Variants in TMEM151A observed in about 807,000 individuals in gnomAD.
TMEM151A encodes the protein transmembrane protein 151A.
In TMEM151A, 21 loss-of-function variants were observed where a neutral mutation model predicts 33.7. The observed-to-expected ratio is 0.62, with a 90% CI of 0.44 to 0.90. The LOEUF (loss-of-function observed/expected upper bound fraction) is 0.90, where lower values mean the gene tolerates loss of function less well. TMEM151A is among the 40% of genes least tolerant of loss of function. The pLI is 0.00. For missense variants in TMEM151A, 704 were observed against 697.7 expected (o/e 1.01, Z -0.10); for synonymous variants, 374 against 330.3 (o/e 1.13, Z -1.43).
In TMEM151A at chr11:66,295,769, A is replaced by G; in HGVS notation, c.*116A>G. ...AACAGACCAGCCACACACAAGGGGC[A>G]GGGGTGAGGGTGGGGGTGGGGGTCC... is the stretch of plus-strand genomic sequence containing the variant. On this transcript the variant is annotated 3_prime_UTR_variant, in exon 2 of 2. Transcript: ENST00000327259. The G allele has an allele frequency of 2.0e-6, 1 of 490,880 alleles. No homozygotes were observed. Among genetic ancestry groups the G allele is most frequent in the African/African-American group, 2.1e-5 (1 of 47,266 alleles). The allele number at this position is 490,880 out of a possible 1,614,324, so 30.4% of individuals were successfully genotyped here. A position where few individuals can be genotyped will look rare whatever the true frequency, so the allele number is the denominator to read the frequency against.
chr11:66,293,996 C>T (rs535552202), intron 1 of TMEM151A, among the ~76,000 whole-genome samples: 1 of 152,336 alleles, frequency 6.6e-6, no homozygotes, highest in African/African-American at 2.4e-5. Flanking sequence ...AGAGCCAGGA[C>T]CAGAACCCAC....
In TMEM151A at chr11:66,294,497, G is replaced by T. The variant is rs778083460; in HGVS notation, c.251G>T (p.Gly84Val). The change falls in exon 2 of 2, where the codon GGC (glycine) becomes GTC (valine). Residue 84 changes from glycine to valine, a missense_variant. By Grantham distance (109) the Gly-to-Val change is moderately radical. This residue lies in a region of TMEM151A where 301 missense variants were observed against 323.4 expected (regional missense o/e 0.93). Coordinates refer to ENST00000327259, the MANE Select transcript of TMEM151A (RefSeq NM_153266.4). Reference sequence around the variant, plus strand: ...GCCGCCTTGGCCCGGGGAGCCGGGGGCCCGCCACCGACCTACCCGGCCAGC... The same window carrying T: ...GCCGCCTTGGCCCGGGGAGCCGGGGTCCCGCCACCGACCTACCCGGCCAGC... ...PEAALARGAG[G>V]PPPTYPASPC... 6.2e-7 allele frequency: 1 copy of T among 1,604,286 alleles called. No individual in the cohort carries two copies. The highest frequency in any genetic ancestry group is 1.7e-5 in the Admixed American group (1 of 58,796).
chr11:66,295,749 A>C lies in TMEM151A; in HGVS notation c.*96A>C, dbSNP rs928038001. 2 of 1,175,758 alleles carry C rather than the reference A, an allele frequency of 1.7e-6. No individual in the cohort carries two copies. 72.8% of individuals were successfully genotyped at this position (1,175,758 alleles called of 1,614,324 possible). A position where few individuals can be genotyped will look rare whatever the true frequency, so the allele number is the denominator to read the frequency against. Reference sequence around the variant, plus strand: ...TTGTCCAAAACAGGCGGGAAAACAGACCAGCCACACACAAGGGGCAGGGGT... The same window carrying C: ...TTGTCCAAAACAGGCGGGAAAACAGCCCAGCCACACACAAGGGGCAGGGGT... On this transcript the variant is annotated 3_prime_UTR_variant, in exon 2 of 2. Transcript: ENST00000327259.
rs1857470809 is a variant in TMEM151A, at chr11:66,292,863, C to G, written c.75+775C>G. ...GTGGGCAGGTCTCTCCCTGTGGAGT[C>G]TGAGGAGCCTGGGGGTCAGTTTGCA... On this transcript the variant is annotated intron_variant, in intron 1 of 1. Transcript: ENST00000327259. This position sits in a 1 kb window ranked among gnomAD's most constrained non-coding sequence, Gnocchi z 4.7. 1.4e-5 allele frequency among the ~76,000 whole-genome samples: 2 copies of G among 146,026 alleles called. No individual in the cohort carries two copies. The highest frequency in any genetic ancestry group is 2.6e-5 in the African/African-American group (1 of 38,626).
At position 66,295,243 on chromosome 11, in the gene TMEM151A, C is replaced by T. The variant is rs750180315; in HGVS notation, c.997C>T (p.Pro333Ser). The T allele has an allele frequency of 3.2e-6, 5 of 1,559,102 alleles. No individual in the cohort carries two copies. The highest frequency in any genetic ancestry group is 3.9e-5 in the Admixed American group (2 of 51,472). ...SPPPGAVPSG[P>S]PLSRVATVDF... Reference sequence around the variant, plus strand: ...CCCGCCGGGGGCCGTGCCCAGCGGGCCCCCGCTGTCCCGCGTGGCCACAGT... The same window carrying T: ...CCCGCCGGGGGCCGTGCCCAGCGGGTCCCCGCTGTCCCGCGTGGCCACAGT... Residue 333 changes from proline (P) to serine (S), a missense_variant, in exon 2 of 2, where the codon CCC (proline) becomes TCC (serine). This residue lies in a region of TMEM151A where 398 missense variants were observed against 356.0 expected (regional missense o/e 1.12). Coordinates refer to ENST00000327259, the MANE Select transcript of TMEM151A (RefSeq NM_153266.4).
Position 66,295,029 on chromosome 11 carries a change from G to T in TMEM151A, c.783G>T (p.Leu261=). ...DYLEAREGMH[L]KDVDFRESLM... ...TGGAGGCGCGCGAGGGCATGCACCT[G>T]AAGGACGTAGACTTCCGCGAGTCGC... is the stretch of plus-strand genomic sequence containing the variant. Residue 261 remains leucine (L), a synonymous_variant, in exon 2 of 2, where the codon CTG becomes CTT. Coordinates refer to ENST00000327259, the MANE Select transcript of TMEM151A (RefSeq NM_153266.4). The T allele has an allele frequency of 6.3e-7, 1 of 1,598,936 alleles. No individual in the cohort carries two copies.
chr11:66,293,954 GATATAGCCAAGT>G (rs1857481917), intron 1 of TMEM151A, among the ~76,000 whole-genome samples: 1 of 152,176 alleles, frequency 6.6e-6, no homozygotes. Context: ...AGAGGGCAGA[GATATAGCCAAGT>G]CCACACAGCA....
intron 1 of TMEM151A, among the ~76,000 whole-genome samples, chr11:66,293,590 C>A (rs1217393962): frequency 6.6e-6 from 1 of 152,142 alleles, no homozygotes; most frequent in Non-Finnish European, 1.5e-5. Context: ...CTCCCCCGTT[C>A]TTGAGGCTCC....
chr11:66,295,558 G>A lies in TMEM151A; in HGVS notation c.1312G>A (p.Glu438Lys). The A allele has an allele frequency of 1.4e-6, 2 of 1,478,526 alleles. No individual in the cohort carries two copies. The highest frequency in any genetic ancestry group is 2.4e-5 in the Admixed American group (1 of 41,606). The allele number at this position is 1,478,526 out of a possible 1,614,324, so 91.6% of individuals were successfully genotyped here. Residue 438 changes from glutamate (E) to lysine (K), a missense_variant, in exon 2 of 2, where the codon GAG becomes AAG. By Grantham distance (56) the Glu-to-Lys change is moderately conservative (BLOSUM62 1). This residue lies in a region of TMEM151A where 398 missense variants were observed against 356.0 expected (regional missense o/e 1.12). Coordinates refer to ENST00000327259, the MANE Select transcript of TMEM151A (RefSeq NM_153266.4). ...CCGTGGAGAGGACACGGAACCCCTG[G>A]AGAGCCCGCCCTGCTATGAGGACGC... ...GRRGEDTEPL[E>K]SPPCYEDALY...
rs1206102746 is a variant in TMEM151A at position 66,292,328 on chromosome 11, G to T, written c.75+240G>T. The stretch of plus-strand genomic sequence containing the variant: ...CCCCGGCGTCCCCTCATCCAGCCTC[G>T]CCCGTCCTGTGACGTCAGTGCCTGG... On this transcript the variant is annotated intron_variant, in intron 1 of 1. Transcript: ENST00000327259. This position sits in a 1 kb window ranked among gnomAD's most constrained non-coding sequence, Gnocchi z 4.7. Among the ~76,000 whole-genome samples the T allele has an allele frequency of 6.6e-6, 1 of 152,132 alleles. No homozygotes were observed. Among genetic ancestry groups the T allele is most frequent in the African/African-American group, 2.4e-5 (1 of 41,412 alleles).
Position 66,294,876 on chromosome 11 carries a change from G to C in TMEM151A, c.630G>C (p.Leu210=). Residue 210 remains leucine (L), a synonymous_variant, in exon 2 of 2, where the codon CTG becomes CTC. Transcript: ENST00000327259. ...VRDVSKELVG[L]AEHAATRLRF... The stretch of plus-strand genomic sequence containing the variant: ...ACGTCTCCAAGGAGCTGGTGGGGCT[G>C]GCGGAGCACGCGGCCACGCGGCTGC... 1 of 1,536,826 alleles carries C rather than the reference G, an allele frequency of 6.5e-7. No individual in the cohort carries two copies. The highest frequency in any genetic ancestry group is 8.7e-7 in the Non-Finnish European group (1 of 1,145,450).
chr11:66,295,525 C>T lies in TMEM151A; in HGVS notation c.1279C>T (p.Leu427=), dbSNP rs1857509827. The T allele has an allele frequency of 1.4e-6, 2 of 1,403,646 alleles. No homozygotes were observed. The highest frequency in any genetic ancestry group is 1.9e-6 in the Non-Finnish European group (2 of 1,078,304). The allele number at this position is 1,403,646 out of a possible 1,614,324, so 86.9% of individuals were successfully genotyped here. A position where few individuals can be genotyped will look rare whatever the true frequency, so the allele number is the denominator to read the frequency against. ...GVFRSLSGGP[L]GRRGEDTEPL... ...CTTCCGCAGCCTGAGCGGGGGGCCG[C>T]TGGGGCGCCGTGGAGAGGACACGGA... Residue 427 remains leucine, a synonymous_variant, in exon 2 of 2, where the codon CTG becomes TTG. Transcript: ENST00000327259.
At position 66,295,484 on chromosome 11, in the gene TMEM151A, G is replaced by A; in HGVS notation, c.1238G>A (p.Arg413Gln). ...CGCCTCTCGCTGGGCGCTGGCGGCC[G>A]GGCCACGCCAGGGGTCTTCCGCAGC... ...RSRLSLGAGG[R>Q]ATPGVFRSLS... Residue 413 changes from arginine (R) to glutamine (Q), a missense_variant, in exon 2 of 2, where the codon CGG becomes CAG. Around this residue, in one of 3 missense-constraint regions of TMEM151A, gnomAD observed 398 missense variants for 356.0 expected, o/e 1.12. Transcript: ENST00000327259. 1 of 1,397,582 alleles carries A rather than the reference G, an allele frequency of 7.2e-7. No individual in the cohort carries two copies. Among genetic ancestry groups the A allele is most frequent in the Non-Finnish European group, 9.3e-7 (1 of 1,078,610 alleles). The allele number at this position is 1,397,582 out of a possible 1,614,324, so 86.6% of individuals were successfully genotyped here.
chr11:66,292,029 G>A lies in TMEM151A; in HGVS notation c.16G>A (p.Ala6Thr), dbSNP rs1358194062. 2 of 1,501,680 alleles carry A rather than the reference G, an allele frequency of 1.3e-6. No homozygotes were observed. Among genetic ancestry groups the A allele is most frequent in the Non-Finnish European group, 8.8e-7 (1 of 1,132,112 alleles). 93.0% of individuals were successfully genotyped at this position (1,501,680 alleles called of 1,614,324 possible). MPEDG[A>T]GDGGEVPALI... ...CCAGGACACCATGCCCGAGGACGGC[G>A]CTGGCGACGGCGGGGAGGTGCCCGC... The change falls in exon 1 of 2, where the codon GCT (alanine) becomes ACT (threonine). Residue 6 changes from alanine to threonine, a missense_variant. Physicochemically the swap from Ala to Thr is moderately conservative, Grantham distance 58. This residue lies in a region of TMEM151A where 301 missense variants were observed against 323.4 expected (regional missense o/e 0.93). Transcript: ENST00000327259. The surrounding 1 kb of genome is among the most constrained non-coding windows in gnomAD (Gnocchi z 4.7).
At position 66,295,249 on chromosome 11, in the gene TMEM151A, C is replaced by A. The variant is rs1270566945; in HGVS notation, c.1003C>A (p.Leu335Met). 1.1e-5 allele frequency: 17 copies of A among 1,561,372 alleles called. No individual in the cohort carries two copies. Among genetic ancestry groups the A allele is most frequent in the Non-Finnish European group, 1.5e-5 (17 of 1,153,804 alleles). Reference protein sequence around the residue: ...PPGAVPSGPPLSRVATVDFTE... With the variant: ...PPGAVPSGPPMSRVATVDFTE... ...GGGGGCCGTGCCCAGCGGGCCCCCG[C>A]TGTCCCGCGTGGCCACAGTGGACTT... Residue 335 changes from leucine to methionine, a missense_variant, in exon 2 of 2, where the codon CTG (leucine) becomes ATG (methionine). Leu to Met is a conservative substitution (Grantham distance 15). This residue lies in a region of TMEM151A where 398 missense variants were observed against 356.0 expected (regional missense o/e 1.12). Transcript: ENST00000327259.
chr11:66,294,719 A>G lies in TMEM151A; in HGVS notation c.473A>G (p.Tyr158Cys), dbSNP rs1857492581. Residue 158 changes from tyrosine (Y) to cysteine (C), a missense_variant, in exon 2 of 2, where the codon TAC (tyrosine) becomes TGC (cysteine). Coordinates refer to ENST00000327259, the MANE Select transcript of TMEM151A (RefSeq NM_153266.4). ...TGGTGGAAGGCCACCAGCTATCACTACGTGCGGCGCACACGCCAGATCACG... is the reference window on the plus strand; with the variant it reads ...TGGTGGAAGGCCACCAGCTATCACTGCGTGCGGCGCACACGCCAGATCACG... ...CVWWKATSYHYVRRTRQITRY... is the reference protein window; with the variant it reads ...CVWWKATSYHCVRRTRQITRY... 1.9e-6 allele frequency: 3 copies of G among 1,564,586 alleles called. No homozygotes were observed. The highest frequency in any genetic ancestry group is 1.4e-5 in the African/African-American group (1 of 73,664).
chr11:66,295,446 CT>C lies in TMEM151A; in HGVS notation c.1202del (p.Phe401SerfsTer22). 1 of 1,454,798 alleles carries C rather than the reference CT, an allele frequency of 6.9e-7. No individual in the cohort carries two copies. Among genetic ancestry groups the C allele is most frequent in the Non-Finnish European group, 9.0e-7 (1 of 1,105,718 alleles). 90.1% of individuals were successfully genotyped at this position (1,454,798 alleles called of 1,614,324 possible). A position where few individuals can be genotyped will look rare whatever the true frequency, so the allele number is the denominator to read the frequency against. ...CCCGGCCCAGCGGGCCCCGCCTGCC[CT>C]TCAGCCGCAGCCGCCTCTCGCTGGG... ...PARPSGPRLP[F>X]SRSRLSLGAG... is the part of the protein sequence containing the mutation. On this transcript the variant is annotated frameshift_variant, in exon 2 of 2. Transcript: ENST00000327259. LOFTEE classifies it high-confidence loss of function.
At chr11:66,293,239 T>A (rs574994281) in intron 1 of TMEM151A, among the ~76,000 whole-genome samples, 5 of 152,250 alleles carry the variant, frequency 3.3e-5, no homozygotes, top group African/African-American at 9.6e-5. Context: ...ACAGGCTGTA[T>A]CTGGGCTGGG....
Position 66,294,886 on chromosome 11 carries a change from G to A in TMEM151A, c.640G>A (p.Ala214Thr). 6.5e-7 allele frequency: 1 copy of A among 1,536,376 alleles called. No individual in the cohort carries two copies. Among genetic ancestry groups the A allele is most frequent in the South Asian group, 1.2e-5 (1 of 84,062 alleles). ...GGAGCTGGTGGGGCTGGCGGAGCAC[G>A]CGGCCACGCGGCTGCGCTTCACCAA... The part of the protein sequence containing the change: ...SKELVGLAEH[A>T]ATRLRFTKCF... Residue 214 changes from alanine (A) to threonine (T), a missense_variant, in exon 2 of 2, where the codon GCG becomes ACG. Around this residue, in one of 3 missense-constraint regions of TMEM151A, gnomAD observed 301 missense variants for 323.4 expected, o/e 0.93. Coordinates refer to ENST00000327259, the MANE Select transcript of TMEM151A (RefSeq NM_153266.4).
Sources: gnomAD v4.1 joint callset for allele counts (sites outside exome capture counted in the v4.1 genomes callset) on GRCh38, gnomAD v4.1.1 for gene constraint, gnomAD v4.1.1 regional missense constraint, Gnocchi (gnomAD v3.1) non-coding constraint, MANE v1.5 for transcripts, NCBI Gene and HGNC (gene_info 2026-07-23, HGNC 2026-07-21) for gene names.